The following VWDE variants were observed in gnomAD, a reference collection of about 807,000 sequenced individuals.
The protein encoded by VWDE is von Willebrand factor D and EGF domains, also known as von Willebrand factor D and EGF domain-containing protein.
Under a neutral mutation model 178.4 loss-of-function variants are expected in VWDE, and 207 were observed. That is an observed-to-expected ratio of 1.16 (90% CI 1.04 to 1.30). The LOEUF (loss-of-function observed/expected upper bound fraction) is 1.30. Ranked by LOEUF, VWDE falls within the 50% of genes most tolerant of loss-of-function variation. VWDE has a pLI of 0.00. For missense variants in VWDE, 2,287 were observed against 1,901.3 expected (o/e 1.20, Z -3.77); for synonymous variants, 738 against 651.4 (o/e 1.13, Z -2.02).
chr7:12,370,661 T>C lies in VWDE; in HGVS notation c.1791A>G (p.Glu597=). ...GTGGAAAAATAGTGTCTTACCTCCA[T>C]TCATTAATAAAAGCAACATAATTGT... ...NFNNYVAFIN[E]WRILPGKSMS... is the part of the protein sequence containing the mutation. The change falls in exon 11 of 29, where the codon GAA becomes GAG. Residue 597 remains glutamate, a synonymous_variant. Coordinates refer to ENST00000275358, the MANE Select transcript of VWDE (RefSeq NM_001135924.3). 3 of 1,550,716 alleles carry C rather than the reference T, an allele frequency of 1.9e-6. No homozygotes were observed. The highest frequency in any genetic ancestry group is 1.2e-5 in the South Asian group (1 of 84,010).
In VWDE at chr7:12,380,844, G is replaced by C. The variant is rs534901056; in HGVS notation, c.542-111C>G. ...TGTGGTTTATCTTAAGAAAAAGCAA[G>C]CTAAATTTAGAAAAATGATTATTTC... On this transcript the variant is annotated intron_variant, in intron 4 of 28. Transcript: ENST00000275358. 4 of 1,242,014 alleles carry C rather than the reference G, an allele frequency of 3.2e-6. No individual in the cohort carries two copies. The South Asian group carries it at 4.9e-5, about 15-fold the overall frequency. 76.9% of individuals were successfully genotyped at this position (1,242,014 alleles called of 1,614,324 possible).
intron 18 of VWDE, chr7:12,354,424 C>T (rs769000668): frequency 6.8e-6 from 3 of 442,576 alleles, no homozygotes; most frequent in Admixed American, 5.0e-5. Context: ...GGTATTCAGG[C>T]ATGCTACTCC....
chr7:12,373,801 T>G (rs1440026), intron 9 of VWDE, among the ~76,000 whole-genome samples: 1 of 151,914 alleles, frequency 6.6e-6, no homozygotes, highest in South Asian at 2.1e-4. Flanking sequence ...ATTAATCTTG[T>G]TGAATTGTCA....
rs1332428246 is a variant in VWDE, at chr7:12,367,080, TAC to T, written c.2898+275_2898+276del. Among the ~76,000 whole-genome samples the T allele has an allele frequency of 3.3e-5, 5 of 152,028 alleles. No homozygotes were observed. The East Asian group carries it at 9.6e-4, about 29-fold the overall frequency. On this transcript the variant is annotated intron_variant, in intron 13 of 28. Transcript: ENST00000275358. ...CTTTATGTTTTTACATTTCAAGAAA[TAC>T]AGAGGCTTACATAAATCAAGCTTGA...
At chr7:12,341,840 G>A (rs941177331) in intron 23 of VWDE, among the ~76,000 whole-genome samples, 4 of 152,134 alleles carry the variant, frequency 2.6e-5, no homozygotes, top group Admixed American at 6.5e-5. Flanking sequence ...GTATTGGTTG[G>A]TTAAGATAAC....
intron 3 of VWDE, 56 bp from the exon 4 acceptor site, chr7:12,383,657 A>T (rs1237140422): frequency 6.7e-6 from 9 of 1,348,574 alleles, no homozygotes; most frequent in African/African-American, 1.5e-5. Context: ...ATATACATCT[A>T]CATATATCCA....
intron 13 of VWDE, among the ~76,000 whole-genome samples, chr7:12,363,729 C>A (rs533836908): frequency 1.3e-5 from 2 of 152,040 alleles, no homozygotes; most frequent in Admixed American, 1.3e-4. Flanking sequence ...AGTAACAATT[C>A]TATGTGCATA....
chr7:12,383,512 A>T (rs1206664805), intron 4 of VWDE, 24 bp downstream of exon 4: 1 of 1,544,666 alleles, frequency 6.5e-7, no homozygotes, highest in African/African-American at 1.4e-5. Context: ...AAACACTATT[A>T]AAAAAGCAAA....
At chr7:12,379,013 T>G (rs1031768590) in intron 6 of VWDE, among the ~76,000 whole-genome samples, 4 of 152,162 alleles carry the variant, frequency 2.6e-5, no homozygotes, top group African/African-American at 9.7e-5. Flanking sequence ...GCTCTTCAGT[T>G]CTTGGATCCT....
At position 12,393,584 on chromosome 7, in the gene VWDE, G is replaced by C. The variant is rs10233068; in HGVS notation, c.243+10C>G. 1 of 1,531,736 alleles carries C rather than the reference G, an allele frequency of 6.5e-7. No homozygotes were observed. Among genetic ancestry groups the C allele is most frequent in the Non-Finnish European group, 8.8e-7 (1 of 1,137,374 alleles). 94.9% of individuals were successfully genotyped at this position (1,531,736 alleles called of 1,614,324 possible). ...GAAAATAACATGCAGTACTTAGGGA[G>C]TTGACATACCTCAACACATTTGGTT... On this transcript the variant is annotated intron_variant, in intron 2 of 28. Coordinates refer to ENST00000275358, the MANE Select transcript of VWDE (RefSeq NM_001135924.3).
chr7:12,336,073 T>C, intron 27 of VWDE, 68 bp downstream of exon 27: 1 of 1,359,118 alleles, frequency 7.4e-7, no homozygotes, highest in South Asian at 1.3e-5. Flanking sequence ...GTCCTAAAGC[T>C]ATACTTTAAT....
At chr7:12,361,073 A>G in intron 15 of VWDE, 74 bp downstream of exon 15, 1 of 920,620 alleles carries the variant, frequency 1.1e-6, no homozygotes, top group Non-Finnish European at 1.6e-6. Context: ...AAAAACTACA[A>G]TTAATGTGCC....
At chr7:12,393,515 G>C (rs964456210) in intron 2 of VWDE, 79 bp downstream of exon 2, 8 of 1,201,670 alleles carry the variant, frequency 6.7e-6, no homozygotes, top group African/African-American at 1.6e-5. Context: ...TGAGAAATAA[G>C]CTGGTGGTAA....
At chr7:12,377,533 G>A (rs1163714387) in intron 7 of VWDE, 2 of 291,926 alleles carry the variant, frequency 6.9e-6, no homozygotes, top group East Asian at 5.8e-5. Flanking sequence ...ATGACGAAGA[G>A]GAGATTATTC....
chr7:12,354,049 C>G (rs1447599309), intron 18 of VWDE: 3 of 158,602 alleles, frequency 1.9e-5, no homozygotes, highest in Non-Finnish European at 2.7e-5. Flanking sequence ...TTCATTATTT[C>G]TCCAGGTAGA....
At chr7:12,332,470 C>G (rs919633156) in intron 28 of VWDE, among the ~76,000 whole-genome samples, 1 of 152,060 alleles carries the variant, frequency 6.6e-6, no homozygotes, top group African/African-American at 2.4e-5. Flanking sequence ...AGAGCAGCCA[C>G]CTAGTTTAGT....
intron 26 of VWDE, 24 bp from the exon 27 acceptor site, chr7:12,336,260 T>G: frequency 1.9e-6 from 3 of 1,540,322 alleles, no homozygotes; most frequent in Non-Finnish European, 2.6e-6. Context: ...TATAAACAAG[T>G]TAAAATTTTA....
At chr7:12,353,359 T>G (rs1782050240) in intron 18 of VWDE, among the ~76,000 whole-genome samples, 1 of 152,202 alleles carries the variant, frequency 6.6e-6, no homozygotes, top group East Asian at 1.9e-4. Flanking sequence ...CATTTAACCT[T>G]AATTACTTCC....
At chr7:12,372,876 A>C in intron 10 of VWDE, 101 bp downstream of exon 10, 3 of 1,196,602 alleles carry the variant, frequency 2.5e-6, no homozygotes, top group Non-Finnish European at 3.5e-6. Flanking sequence ...ATTTTCTTAA[A>C]CAAACTAATG....
Sources: gnomAD v4.1 joint callset for allele counts (sites outside exome capture counted in the v4.1 genomes callset) on GRCh38, gnomAD v4.1.1 for gene constraint, MANE v1.5 for transcripts, NCBI Gene and HGNC (gene_info 2026-07-23, HGNC 2026-07-21) for gene names.